MTO1: variants seen among roughly 807,000 people sequenced by gnomAD.
The protein encoded by MTO1 is mitochondrial tRNA translation optimization 1.
In MTO1, 46 loss-of-function variants were observed where a neutral mutation model predicts 71.6. The ratio of observed to expected loss-of-function variants is 0.64; its 90% confidence interval spans 0.51 to 0.82. The LOEUF is 0.82. Ranked by LOEUF, MTO1 falls within the 40% of genes least tolerant of loss-of-function variation. The pLI is 0.00. For synonymous variants in MTO1, 297 were observed against 312.1 expected, an observed-to-expected ratio of 0.95 and a Z score of 0.51; for missense variants, 773 against 867.5, an observed-to-expected ratio of 0.89 and a Z score of 1.37.
At chr6:73,491,775 GTGCTACTGTTTAGCAGATGC>G (rs1162610871) in intron 9 of MTO1, among the ~76,000 whole-genome samples, 2 of 152,300 alleles carry the variant, frequency 1.3e-5, no homozygotes, top group African/African-American at 4.8e-5. Context: ...TCTTATTGAG[GTGCTACTGTTTAGCAGATGC>G]TGCTGCATTT....
chr6:73,468,477 C>T (rs1265705601), intron 3 of MTO1, among the ~76,000 whole-genome samples: 1 of 152,046 alleles, frequency 6.6e-6, no homozygotes, highest in Non-Finnish European at 1.5e-5. Context: ...CTCTCTCCTT[C>T]TGATATAATT....
intron 9 of MTO1, among the ~76,000 whole-genome samples, chr6:73,488,134 AG>A (rs1213521452): frequency 6.6e-6 from 1 of 152,112 alleles, no homozygotes; most frequent in Non-Finnish European, 1.5e-5. Flanking sequence ...TCATTGGAGA[AG>A]TATCTATTCA....
In MTO1 at chr6:73,508,620, T is replaced by C. The variant is rs184986144; in HGVS notation, c.*7885T>C. The stretch of plus-strand genomic sequence containing the variant: ...TGAAAATTCAGAGGTATTATAGCTC[T>C]GAAGAAAAATACTGATGAGCAGTTA... On this transcript the variant is annotated 3_prime_UTR_variant, in exon 12 of 12. Transcript: ENST00000498286. 3 of 152,330 alleles carry C rather than the reference T, an allele frequency of 2.0e-5. No individual in the cohort carries two copies. The East Asian group carries it at 5.8e-4, about 29-fold the overall frequency. The allele number at this position is 152,330 out of a possible 1,614,324, so 9.4% of individuals were successfully genotyped here.
chr6:73,471,416 T>C (rs1176515112), intron 3 of MTO1: 1 of 451,458 alleles, frequency 2.2e-6, no homozygotes, highest in African/African-American at 2.0e-5. Context: ...CCTTAAATTG[T>C]TTATTTTTTT....
intron 9 of MTO1, chr6:73,492,025 C>G: frequency 2.5e-6 from 1 of 404,114 alleles, no homozygotes; most frequent in Non-Finnish European, 4.6e-6. Flanking sequence ...TTGCTTGAAC[C>G]CAGCAGGTGG....
chr6:73,480,258 G>A, intron 6 of MTO1, 132 bp downstream of exon 6: 1 of 947,628 alleles, frequency 1.1e-6, no homozygotes, highest in Non-Finnish European at 1.6e-6. Context: ...ATTTTAAATA[G>A]TCTGTTTTTT....
intron 9 of MTO1, chr6:73,486,719 C>T (rs1771663894): frequency 3.5e-6 from 1 of 285,786 alleles, no homozygotes; most frequent in Non-Finnish European, 7.1e-6. Context: ...ACCTGAGGGA[C>T]AAGAGTGAGA....
intron 1 of MTO1, chr6:73,462,354 A>C: frequency 2.7e-6 from 1 of 376,896 alleles, no homozygotes; most frequent in Non-Finnish European, 4.7e-6. Flanking sequence ...GCTACCAACT[A>C]CTCGCTGGTA....
At chr6:73,475,087 A>C (rs1275232951) in intron 4 of MTO1, among the ~76,000 whole-genome samples, 1 of 151,646 alleles carries the variant, frequency 6.6e-6, no homozygotes, top group Non-Finnish European at 1.5e-5. Flanking sequence ...ATAACCTTAC[A>C]TATTTTGTAA....
intron 9 of MTO1, among the ~76,000 whole-genome samples, chr6:73,488,607 A>G (rs1194762888): frequency 6.6e-6 from 1 of 152,152 alleles, no homozygotes; most frequent in East Asian, 1.9e-4. Flanking sequence ...TTTGATGTAC[A>G]TTTTAAAAAA....
intron 4 of MTO1, among the ~76,000 whole-genome samples, chr6:73,478,478 A>C (rs1383574157): frequency 6.6e-6 from 1 of 152,114 alleles, no homozygotes; most frequent in Non-Finnish European, 1.5e-5. Context: ...ATGGCTTCAA[A>C]TATTCTGTTA....
chr6:73,486,817 A>C, intron 9 of MTO1: 1 of 169,262 alleles, frequency 5.9e-6, no homozygotes, highest in African/African-American at 2.4e-5. Flanking sequence ...CACGACCAGG[A>C]ATGGTGGCTC....
rs927074780 is a variant in MTO1 at position 73,507,676 on chromosome 6, A to C, written c.*6941A>C. The C allele has an allele frequency of 1.3e-5, 2 of 152,192 alleles. No individual in the cohort carries two copies. The highest frequency in any genetic ancestry group is 1.3e-4 in the Admixed American group (2 of 15,266). The allele number at this position is 152,192 out of a possible 1,614,324, so 9.4% of individuals were successfully genotyped here. A position where few individuals can be genotyped will look rare whatever the true frequency, so the allele number is the denominator to read the frequency against. On this transcript the variant is annotated 3_prime_UTR_variant, in exon 12 of 12. Coordinates refer to ENST00000498286, the MANE Select transcript of MTO1 (RefSeq NM_012123.4). ...CTAGGGACCAGAGGTCCTCTACTGG[A>C]TTAAAAGTTTCTCCATCCCGGCAGG...
Position 73,466,233 on chromosome 6 carries a change from T to G in MTO1, c.242T>G (p.Phe81Cys). 1 of 1,613,892 alleles carries G rather than the reference T, an allele frequency of 6.2e-7. No homozygotes were observed. Among genetic ancestry groups the G allele is most frequent in the Non-Finnish European group, 8.5e-7 (1 of 1,179,768 alleles). The change falls in exon 2 of 12, where the codon TTT becomes TGT. Residue 81 changes from phenylalanine (F) to cysteine (C), a missense_variant. Physicochemically the swap from Phe to Cys is radical, Grantham distance 205. Coordinates refer to ENST00000498286, the MANE Select transcript of MTO1 (RefSeq NM_012123.4). ...GGTCAGATGTCATGTAATCCTTCCT[T>G]TGGTGGCATCGGAAAGGGACATTTA... Reference protein sequence around the residue: ...TIGQMSCNPSFGGIGKGHLMR... With the variant: ...TIGQMSCNPSCGGIGKGHLMR...
At chr6:73,464,858 A>G (rs1237274538) in intron 1 of MTO1, among the ~76,000 whole-genome samples, 1 of 149,880 alleles carries the variant, frequency 6.7e-6, no homozygotes, top group Non-Finnish European at 1.5e-5. Context: ...AAAAAAAAAA[A>G]AAACTTTTGG....
At chr6:73,493,215 C>T (rs560272428) in intron 10 of MTO1, among the ~76,000 whole-genome samples, 19 of 151,704 alleles carry the variant, frequency 1.3e-4, no homozygotes, top group African/African-American at 4.3e-4. Context: ...AGGCTGGTCT[C>T]GAACTCCTGC....
chr6:73,469,550 A>G (rs1007028471), intron 3 of MTO1, among the ~76,000 whole-genome samples: 1 of 152,136 alleles, frequency 6.6e-6, no homozygotes, highest in Non-Finnish European at 1.5e-5. Context: ...TGAACCCAGG[A>G]GGCGGAGGTT....
chr6:73,479,686 C>A, intron 4 of MTO1, 46 bp from the exon 5 acceptor site: 2 of 1,451,112 alleles, frequency 1.4e-6, no homozygotes, highest in South Asian at 1.2e-5. Context: ...AAGAGAGAAA[C>A]TAGTAGATAA....
At chr6:73,471,488 C>T (rs183911713) in intron 3 of MTO1, 42 of 449,902 alleles carry the variant, frequency 9.3e-5, no homozygotes, top group African/African-American at 2.4e-4. Context: ...GATCACAGCT[C>T]GCTGTAGCCT....
Sources: allele counts gnomAD v4.1 joint callset (sites outside exome capture counted in the v4.1 genomes callset), GRCh38; gene constraint gnomAD v4.1.1; transcripts MANE v1.5; gene names NCBI Gene and HGNC (gene_info 2026-07-23, HGNC 2026-07-21).